Variants in PDE1C observed in about 807,000 individuals in gnomAD.
PDE1C encodes dual specificity calcium/calmodulin-dependent 3',5'-cyclic nucleotide phosphodiesterase 1C.
A neutral mutation model predicts 93.1 loss-of-function variants in PDE1C; 62 were observed. The ratio of observed to expected loss-of-function variants is 0.67; its 90% CI spans 0.54 to 0.82. The LOEUF is 0.82. PDE1C is among the 40% of genes least tolerant of loss of function. The pLI is 0.00. For missense variants in PDE1C, 742 were observed against 884.6 expected, an observed-to-expected ratio of 0.84 and a Z score of 2.04; for synonymous variants, 325 against 310.1, an observed-to-expected ratio of 1.05 and a Z score of -0.50.
intron 2 of PDE1C, among the ~76,000 whole-genome samples, chr7:32,202,937 T>C (rs1024312504): frequency 6.6e-6 from 1 of 152,124 alleles, no homozygotes; most frequent in Non-Finnish European, 1.5e-5. Context: ...GGTCTCCACA[T>C]CTTATTCATC....
In PDE1C at chr7:32,284,379, GAAT is replaced by G. The variant is rs1255178302; in HGVS notation, c.85+14269_85+14271del. 2.0e-5 allele frequency among the ~76,000 whole-genome samples: 3 copies of G among 152,164 alleles called. No individual in the cohort carries two copies. In the East Asian group the frequency reaches 5.8e-4, roughly 29 times the overall value. ...CTCTGTTTCCTCACCTATAAACTGAGAATAATAATGAGTCAAAAGAGTTGGAAA... is the reference window on the plus strand; with the variant it reads ...CTCTGTTTCCTCACCTATAAACTGAGAATAATGAGTCAAAAGAGTTGGAAA... On this transcript the variant is annotated intron_variant, in intron 1 of 18. Coordinates refer to the PDE1C transcript ENST00000396193.
intron 16 of PDE1C, among the ~76,000 whole-genome samples, chr7:31,798,834 A>T (rs1261818742): frequency 6.6e-6 from 1 of 151,766 alleles, no homozygotes; most frequent in African/African-American, 2.4e-5. Context: ...GATAACACGA[A>T]GCCCTGTGGG....
intron 1 of PDE1C, among the ~76,000 whole-genome samples, chr7:32,066,832 C>T (rs1795462461): frequency 6.6e-6 from 1 of 152,176 alleles, no homozygotes; most frequent in African/African-American, 2.4e-5. Context: ...TTGGGAGGAA[C>T]TGAGGTTTAT....
chr7:32,071,468 T>TCCCTCATTCCCTCCC, upstream of PDE1C: 13 of 951,178 alleles, frequency 1.4e-5, no homozygotes, highest in Non-Finnish European at 1.6e-5. Flanking sequence ...CTCTCTCTCC[T>TCCCTCATTCCCTCCC]CCCTCATTCC....
rs570176288 is a variant in PDE1C, at chr7:32,190,032, C to T, written c.136+19457G>A. Among the ~76,000 whole-genome samples the T allele has an allele frequency of 4.6e-5, 7 of 152,346 alleles. No individual in the cohort carries two copies. In the South Asian group the frequency reaches 1.5e-3, roughly 32 times the overall value. ...TTTCTTCCACCTGCTTCAATTACATCATGCATGGGCTTTCTTTGGCTTCTG... is the reference window on the plus strand; with the variant it reads ...TTTCTTCCACCTGCTTCAATTACATTATGCATGGGCTTTCTTTGGCTTCTG... On this transcript the variant is annotated intron_variant, in intron 2 of 18. Coordinates refer to the PDE1C transcript ENST00000396193.
intron 16 of PDE1C, among the ~76,000 whole-genome samples, chr7:31,790,441 G>T (rs1784452634): frequency 6.6e-6 from 1 of 152,064 alleles, no homozygotes; most frequent in Admixed American, 6.6e-5. Flanking sequence ...TTCATAAGGG[G>T]AAAATGTCAG....
intron 2 of PDE1C, among the ~76,000 whole-genome samples, chr7:31,976,136 A>T (rs1240739250): frequency 6.6e-6 from 1 of 152,234 alleles, no homozygotes; most frequent in Admixed American, 6.5e-5. Flanking sequence ...TCAACATGTT[A>T]GCACATAACA....
intron 2 of PDE1C, among the ~76,000 whole-genome samples, chr7:32,022,671 G>A (rs1438726162): frequency 2.6e-5 from 4 of 151,754 alleles, no homozygotes; most frequent in Non-Finnish European, 4.4e-5. Context: ...AATTAACTTA[G>A]GCCTGGAACT....
chr7:32,421,086 AAC>A (rs3079693), intron 1 of PDE1C, among the ~76,000 whole-genome samples: 60,311 of 150,436 alleles, frequency 0.4, 12,134 homozygotes, highest in East Asian at 0.47. Context: ...GATTAAAACT[AAC>A]ACACACACAC....
intron 3 of PDE1C, among the ~76,000 whole-genome samples, chr7:32,133,753 T>C (rs1184854169): frequency 1.3e-5 from 2 of 152,100 alleles, no homozygotes; most frequent in African/African-American, 4.8e-5. Context: ...GTTCATAACG[T>C]CCAGTATATA....
In PDE1C at chr7:31,824,543, G is replaced by A. The variant is rs375048754; in HGVS notation, c.1406+324C>T. Among the ~76,000 whole-genome samples, 6 of 152,154 alleles carry A rather than the reference G, an allele frequency of 3.9e-5. No individual in the cohort carries two copies. In the East Asian group the frequency reaches 7.8e-4, roughly 20 times the overall value. ...TTCTTTGTAAGTATTCTTGATGAGT[G>A]GTACTGTCTTTGTGGAGTATTACAT... On this transcript the variant is annotated intron_variant, in intron 13 of 17. Transcript: ENST00000396191.
chr7:31,913,744 A>G lies in PDE1C; in HGVS notation c.129-32884T>C, dbSNP rs146760351. ...ATCCCCTTTGAAGGACCAAGTGCAA[A>G]CTTATATTTGTCCTTAAACAGAGTT... is the stretch of plus-strand genomic sequence containing the variant. On this transcript the variant is annotated intron_variant, in intron 2 of 17. Transcript: ENST00000396191. Among the ~76,000 whole-genome samples the G allele has an allele frequency of 3.6e-3, 543 of 152,312 alleles. 2 individuals are homozygous for G. Among genetic ancestry groups the G allele is most frequent in the African/African-American group, 0.012 (501 of 41,572 alleles).
At chr7:31,959,183 TTTTG>T (rs781116506) in intron 2 of PDE1C, among the ~76,000 whole-genome samples, 59 of 150,536 alleles carry the variant, frequency 3.9e-4, no homozygotes, top group Non-Finnish European at 7.8e-4. Flanking sequence ...TCAATTTGTT[TTTTG>T]TTTTTTGTTT....
intron 2 of PDE1C, among the ~76,000 whole-genome samples, chr7:32,019,725 T>C (rs1042349745): frequency 1.3e-5 from 2 of 152,036 alleles, no homozygotes; most frequent in Non-Finnish European, 2.9e-5. Flanking sequence ...AACTTTGTGA[T>C]TGACTGTATA....
intron 13 of PDE1C, among the ~76,000 whole-genome samples, chr7:31,824,461 G>A (rs549345749): frequency 2.0e-5 from 3 of 152,130 alleles, no homozygotes; most frequent in South Asian, 2.1e-4. Context: ...TCAAGCTTTC[G>A]ATTCTTTTTC....
At chr7:31,847,286 C>T (rs1387514319) in intron 9 of PDE1C, among the ~76,000 whole-genome samples, 6 of 151,988 alleles carry the variant, frequency 3.9e-5, no homozygotes, top group Admixed American at 3.3e-4. Flanking sequence ...AGTCACTTCC[C>T]GAATGTCATA....
At chr7:32,123,835 A>G (rs6972281) in intron 3 of PDE1C, among the ~76,000 whole-genome samples, 49,439 of 152,106 alleles carry the variant, frequency 0.33, 8,768 homozygotes, top group South Asian at 0.41. Flanking sequence ...TATTCAACGC[A>G]GTATTGGAAG....
At chr7:32,397,918 G>A (rs896219726) in intron 1 of PDE1C, among the ~76,000 whole-genome samples, 34 of 152,184 alleles carry the variant, frequency 2.2e-4, no homozygotes, top group African/African-American at 7.9e-4. Context: ...ACTTTGGGAG[G>A]CCAAGGCAGG....
chr7:31,705,956 G>C, the PDE1C span, among the ~76,000 whole-genome samples: 2 of 134,168 alleles, frequency 1.5e-5, no homozygotes, highest in Non-Finnish European at 3.1e-5. Flanking sequence ...AGAAAATTGT[G>C]CTCAGACTTC....
Sources: gnomAD v4.1 joint callset for allele counts (sites outside exome capture counted in the v4.1 genomes callset) on GRCh38, gnomAD v4.1.1 for gene constraint, MANE v1.5 for transcripts, NCBI Gene and HGNC (gene_info 2026-07-23, HGNC 2026-07-21) for gene names.